INPP4B: variants seen among roughly 807,000 people sequenced by gnomAD.
The protein encoded by INPP4B is inositol polyphosphate-4-phosphatase type II B, also known as inositol polyphosphate 4-phosphatase type II.
A neutral mutation model predicts 122.5 loss-of-function variants in INPP4B; 55 were observed. The ratio of observed to expected loss-of-function variants is 0.45; its 90% CI spans 0.36 to 0.56. INPP4B has a LOEUF of 0.56. Ranked by LOEUF, INPP4B falls within the 20% of genes least tolerant of loss-of-function variation. The pLI is 0.00. For synonymous variants in INPP4B, 403 were observed against 388.7 expected (o/e 1.04, Z -0.43); for missense variants, 1,000 against 1,097.7 (o/e 0.91, Z 1.26).
At chr4:142,312,092 T>C (rs1299308837) in intron 8 of INPP4B, among the ~76,000 whole-genome samples, 2 of 152,338 alleles carry the variant, frequency 1.3e-5, no homozygotes, top group East Asian at 3.9e-4. Context: ...AGGATACCAA[T>C]TGAGATTTCT....
At chr4:142,611,730 G>A (rs750502267) in intron 2 of INPP4B, among the ~76,000 whole-genome samples, 8 of 139,740 alleles carry the variant, frequency 5.7e-5, no homozygotes, top group Non-Finnish European at 9.1e-5. Flanking sequence ...GTGTGGTGGT[G>A]TGATCTCGGC....
intron 17 of INPP4B, among the ~76,000 whole-genome samples, chr4:142,157,532 G>T (rs948986010): frequency 6.6e-6 from 1 of 152,110 alleles, no homozygotes; most frequent in African/African-American, 2.4e-5. Flanking sequence ...AGTTCAGAAG[G>T]AGGCTTAGAA....
intron 2 of INPP4B, among the ~76,000 whole-genome samples, chr4:142,650,979 C>A (rs1752835941): frequency 6.6e-6 from 1 of 152,164 alleles, no homozygotes; most frequent in African/African-American, 2.4e-5. Context: ...AAGTAAAGCA[C>A]TCCTTGGCAA....
chr4:142,613,802 A>G (rs1252422426), intron 2 of INPP4B, among the ~76,000 whole-genome samples: 2 of 152,192 alleles, frequency 1.3e-5, no homozygotes, highest in African/African-American at 4.8e-5. Context: ...CTCATGGTGC[A>G]TATTACTCAC....
intron 3 of INPP4B, among the ~76,000 whole-genome samples, chr4:142,454,097 AAAAC>A (rs1367703150): frequency 1.3e-5 from 2 of 152,126 alleles, no homozygotes; most frequent in Non-Finnish European, 2.9e-5. Flanking sequence ...AACACTGAAA[AAAAC>A]AACATGTGTA....
intron 1 of INPP4B, among the ~76,000 whole-genome samples, chr4:142,840,509 A>G (rs1261856209): frequency 1.3e-5 from 2 of 152,134 alleles, no homozygotes; most frequent in African/African-American, 2.4e-5. Context: ...CAGATCTCAC[A>G]TAAAAGCAGA....
chr4:142,304,745 A>G (rs966359113), intron 9 of INPP4B, among the ~76,000 whole-genome samples: 4 of 152,192 alleles, frequency 2.6e-5, no homozygotes, highest in Admixed American at 2.6e-4. Flanking sequence ...AAATAGTGCA[A>G]GGCAGTATCC....
chr4:142,425,059 C>T (rs1057059108), intron 5 of INPP4B: 1 of 151,980 alleles, frequency 6.6e-6, no homozygotes, highest in Non-Finnish European at 1.5e-5. Flanking sequence ...GGAGTCAGCA[C>T]ATTTTAAATT....
At chr4:142,606,730 A>T (rs969414291) in intron 2 of INPP4B, among the ~76,000 whole-genome samples, 1 of 152,016 alleles carries the variant, frequency 6.6e-6, no homozygotes, top group Non-Finnish European at 1.5e-5. Context: ...GCTGCTGGCA[A>T]TGTTTCTGTT....
rs553549181 is a variant in INPP4B, at chr4:142,271,178, G to A, written c.504-404C>T. Among the ~76,000 whole-genome samples, 448 of 152,076 alleles carry A rather than the reference G, an allele frequency of 2.9e-3. 2 individuals carry two copies. Among genetic ancestry groups the A allele is most frequent in the African/African-American group, 0.01 (434 of 41,482 alleles). ...GGCTGGTGTCAAACTCCCAACCTCAGGTGATCCACCCGCCTAGGCCTCCCA... is the reference window on the plus strand; with the variant it reads ...GGCTGGTGTCAAACTCCCAACCTCAAGTGATCCACCCGCCTAGGCCTCCCA... On this transcript the variant is annotated intron_variant, in intron 9 of 25. Transcript: ENST00000262992.
At chr4:142,623,834 T>G (rs1745578307) in intron 2 of INPP4B, among the ~76,000 whole-genome samples, 1 of 151,832 alleles carries the variant, frequency 6.6e-6, no homozygotes, top group African/African-American at 2.4e-5. Flanking sequence ...TTTTTTGTCC[T>G]TGCGATAGTT....
At chr4:142,211,804 G>T (rs1190393988) in intron 12 of INPP4B, among the ~76,000 whole-genome samples, 1 of 152,160 alleles carries the variant, frequency 6.6e-6, no homozygotes, top group East Asian at 1.9e-4. Flanking sequence ...AGCCACTGGA[G>T]AAACAATACT....
chr4:142,569,848 C>A (rs539898284), intron 2 of INPP4B, among the ~76,000 whole-genome samples: 1 of 152,084 alleles, frequency 6.6e-6, no homozygotes. Flanking sequence ...TGATTAGATA[C>A]ATTAAAAATT....
intron 11 of INPP4B, among the ~76,000 whole-genome samples, chr4:142,253,876 C>G (rs1240012199): frequency 6.6e-6 from 1 of 152,162 alleles, no homozygotes; most frequent in African/African-American, 2.4e-5. Context: ...GCCTGCCTGC[C>G]TCTGTAGGCT....
At chr4:142,598,946 C>G (rs1242529618) in intron 2 of INPP4B, among the ~76,000 whole-genome samples, 1 of 152,164 alleles carries the variant, frequency 6.6e-6, no homozygotes. Context: ...GTTGCATGGC[C>G]TCCATGCTCA....
chr4:142,254,940 A>G (rs902915626), intron 11 of INPP4B, among the ~76,000 whole-genome samples: 13 of 152,234 alleles, frequency 8.5e-5, no homozygotes, highest in African/African-American at 3.1e-4. Flanking sequence ...AAAAATGTTA[A>G]GGGCAGCCAG....
At chr4:142,845,643 C>CA (rs1458443963) in intron 1 of INPP4B, among the ~76,000 whole-genome samples, 1 of 152,090 alleles carries the variant, frequency 6.6e-6, no homozygotes, top group East Asian at 1.9e-4. Flanking sequence ...ATTTTTAAAA[C>CA]AAAAAACAAG....
At chr4:142,671,774 G>T (rs1297591852) in intron 2 of INPP4B, among the ~76,000 whole-genome samples, 1 of 152,026 alleles carries the variant, frequency 6.6e-6, no homozygotes, top group Non-Finnish European at 1.5e-5. Context: ...TTTTACTGAG[G>T]TGTAATTTAC....
intron 15 of INPP4B, among the ~76,000 whole-genome samples, chr4:142,182,401 A>G (rs1831213040): frequency 6.6e-6 from 1 of 151,996 alleles, no homozygotes; most frequent in African/African-American, 2.4e-5. Context: ...ACAAAAAATT[A>G]GCCGGGCGTG....
Sources: gnomAD v4.1 joint callset for allele counts (sites outside exome capture counted in the v4.1 genomes callset) on GRCh38, gnomAD v4.1.1 for gene constraint, MANE v1.5 for transcripts, NCBI Gene and HGNC (gene_info 2026-07-23, HGNC 2026-07-21) for gene names.